Variants in NRXN3 observed in about 807,000 individuals in gnomAD.
The protein encoded by NRXN3 is neurexin III.
Under a neutral mutation model 137.6 loss-of-function variants are expected in NRXN3, and 32 were observed. The ratio of observed to expected loss-of-function variants is 0.23; its 90% CI spans 0.18 to 0.31. The LOEUF (loss-of-function observed/expected upper bound fraction) is 0.31. Ranked by LOEUF, NRXN3 falls within the 10% of genes least tolerant of loss-of-function variation. NRXN3 has a pLI of 1.00. For synonymous variants in NRXN3, 798 were observed against 784.5 expected (o/e 1.02, Z -0.29); for missense variants, 1,574 against 2,062.5 (o/e 0.76, Z 4.59).
chr14:78,367,388 A>G (rs935045021), intron 4 of NRXN3, among the ~76,000 whole-genome samples: 1 of 152,160 alleles, frequency 6.6e-6, no homozygotes, highest in African/African-American at 2.4e-5. Context: ...TAAAAAATCA[A>G]TCAATCAATT....
intron 15 of NRXN3, among the ~76,000 whole-genome samples, chr14:79,299,553 C>A (rs1214148495): frequency 1.3e-5 from 2 of 152,054 alleles, no homozygotes; most frequent in Non-Finnish European, 2.9e-5. Flanking sequence ...AGACCCCTGC[C>A]CCCAGATTTC....
At chr14:79,842,744 A>G (rs1435947588) in intron 20 of NRXN3, among the ~76,000 whole-genome samples, 1 of 152,198 alleles carries the variant, frequency 6.6e-6, no homozygotes, top group Non-Finnish European at 1.5e-5. Context: ...TTTTCCCCTT[A>G]TGTCAAGAGT....
At position 79,866,579 on chromosome 14, in the gene NRXN3, T is replaced by C. The variant is rs1048954902; in HGVS notation, c.*4615T>C. The C allele has an allele frequency of 6.6e-6, 1 of 152,140 alleles. No homozygotes were observed. 9.4% of individuals were successfully genotyped at this position (152,140 alleles called of 1,614,324 possible). A position where few individuals can be genotyped will look rare whatever the true frequency, so the allele number is the denominator to read the frequency against. ...GCAAAAAGTACATTGGAGGAAGATA[T>C]GAGTAGGAAGGTTTTTGAAATCATG... On this transcript the variant is annotated 3_prime_UTR_variant, in exon 21 of 21. Transcript: ENST00000335750.
intron 16 of NRXN3, among the ~76,000 whole-genome samples, chr14:79,476,831 C>T (rs1475587171): frequency 1.3e-5 from 2 of 151,992 alleles, no homozygotes; most frequent in Non-Finnish European, 2.9e-5. Flanking sequence ...AGCATTTTCC[C>T]AAGATAGCAC....
chr14:78,899,583 AG>A (rs1226152437), intron 10 of NRXN3, among the ~76,000 whole-genome samples: 1 of 152,022 alleles, frequency 6.6e-6, no homozygotes, highest in African/African-American at 2.4e-5. Flanking sequence ...TGGGAACTTA[AG>A]GGTTATTATG....
chr14:78,952,046 C>T (rs913450204), intron 10 of NRXN3, among the ~76,000 whole-genome samples: 2 of 152,128 alleles, frequency 1.3e-5, no homozygotes, highest in Non-Finnish European at 2.9e-5. Context: ...AGCTGGGTCA[C>T]TTGTCTTTCT....
chr14:78,360,353 C>T (rs2084937863), intron 4 of NRXN3, among the ~76,000 whole-genome samples: 1 of 152,078 alleles, frequency 6.6e-6, no homozygotes, highest in African/African-American at 2.4e-5. Flanking sequence ...TATTTGAGAC[C>T]ACTGCTTTAT....
At chr14:78,520,328 T>A (rs1222403830) in intron 4 of NRXN3, among the ~76,000 whole-genome samples, 1 of 152,204 alleles carries the variant, frequency 6.6e-6, no homozygotes, top group Non-Finnish European at 1.5e-5. Context: ...TCTTTCTGCT[T>A]GCTTTTCTCC....
chr14:79,475,981 C>T (rs1301952867), intron 16 of NRXN3, among the ~76,000 whole-genome samples: 1 of 152,080 alleles, frequency 6.6e-6, no homozygotes, highest in Non-Finnish European at 1.5e-5. Flanking sequence ...CACGTGAATG[C>T]TGGGGCTCAC....
At chr14:78,312,195 AG>A (rs1189479079) in intron 4 of NRXN3, among the ~76,000 whole-genome samples, 1 of 152,182 alleles carries the variant, frequency 6.6e-6, no homozygotes, top group East Asian at 1.9e-4. Context: ...TTTCTAAAAA[AG>A]GTTATCTCTT....
chr14:79,188,809 G>C (rs1458344746), intron 15 of NRXN3, among the ~76,000 whole-genome samples: 2 of 152,174 alleles, frequency 1.3e-5, no homozygotes, highest in African/African-American at 2.4e-5. Flanking sequence ...CTGGCCATCA[G>C]AGAAATGCAA....
At chr14:78,802,791 T>C (rs1241705785) in intron 8 of NRXN3, among the ~76,000 whole-genome samples, 1 of 151,818 alleles carries the variant, frequency 6.6e-6, no homozygotes, top group Non-Finnish European at 1.5e-5. Context: ...ACAAAATATC[T>C]AAAAATCAGC....
chr14:79,413,571 C>T (rs1212181441), intron 15 of NRXN3, among the ~76,000 whole-genome samples: 1 of 152,076 alleles, frequency 6.6e-6, no homozygotes, highest in Non-Finnish European at 1.5e-5. Flanking sequence ...AGATTATGCA[C>T]TGCTACTGAG....
intron 15 of NRXN3, among the ~76,000 whole-genome samples, chr14:79,369,834 C>T (rs576308456): frequency 1.0e-3 from 156 of 152,288 alleles, no homozygotes; most frequent in African/African-American, 3.7e-3. Flanking sequence ...AGACATAGAG[C>T]AGGGCTGATA....
intron 16 of NRXN3, among the ~76,000 whole-genome samples, chr14:79,579,123 C>G (rs1602386497): frequency 6.6e-6 from 1 of 151,718 alleles, no homozygotes; most frequent in East Asian, 1.9e-4. Context: ...TTGAACTTAC[C>G]AAGCAAAAGT....
chr14:79,030,109 T>C (rs2099605137), intron 15 of NRXN3, among the ~76,000 whole-genome samples: 1 of 150,222 alleles, frequency 6.7e-6, no homozygotes, highest in Admixed American at 6.6e-5. Context: ...CTTGAACTCC[T>C]GAGCTCAAGC....
At chr14:79,523,874 A>G (rs2097094002) in intron 16 of NRXN3, among the ~76,000 whole-genome samples, 1 of 152,166 alleles carries the variant, frequency 6.6e-6, no homozygotes, top group South Asian at 2.1e-4. Flanking sequence ...ATATTTCTTT[A>G]AAGTGGAAGA....
At chr14:78,798,395 A>G (rs2098828697) in intron 8 of NRXN3, among the ~76,000 whole-genome samples, 1 of 152,194 alleles carries the variant, frequency 6.6e-6, no homozygotes, top group African/African-American at 2.4e-5. Flanking sequence ...ACATCTGGGT[A>G]ATGCTGATGC....
intron 15 of NRXN3, among the ~76,000 whole-genome samples, chr14:79,153,607 G>T (rs80310501): frequency 1.3e-5 from 2 of 151,812 alleles, no homozygotes; most frequent in African/African-American, 4.8e-5. Flanking sequence ...CGTAAACCCA[G>T]GGCTGCTCAC....
Sources: allele counts gnomAD v4.1 joint callset (sites outside exome capture counted in the v4.1 genomes callset), GRCh38; gene constraint gnomAD v4.1.1; transcripts MANE v1.5; gene names NCBI Gene and HGNC (gene_info 2026-07-23, HGNC 2026-07-21).